KCNT2: variants seen among roughly 807,000 people sequenced by gnomAD.
KCNT2 encodes potassium channel subfamily T member 2.
Under a neutral mutation model 153.8 loss-of-function variants are expected in KCNT2, and 67 were observed. The ratio of observed to expected loss-of-function variants is 0.44; its 90% confidence interval spans 0.36 to 0.53. The LOEUF (loss-of-function observed/expected upper bound fraction) is 0.53. KCNT2 is among the 20% of genes least tolerant of loss of function. The pLI, the probability that KCNT2 is intolerant of heterozygous loss-of-function variation, is 0.00. For synonymous variants in KCNT2, 500 were observed against 458.8 expected (o/e 1.09, Z -1.15); for missense variants, 975 against 1,354.8 (o/e 0.72, Z 4.40).
At chr1:196,378,588 A>C (rs1227951613) in intron 13 of KCNT2, among the ~76,000 whole-genome samples, 1 of 151,570 alleles carries the variant, frequency 6.6e-6, no homozygotes, top group Non-Finnish European at 1.5e-5. Context: ...AGAGAAAATG[A>C]ATACTGGGGG....
intron 13 of KCNT2, among the ~76,000 whole-genome samples, chr1:196,387,341 A>G (rs1461661045): frequency 6.6e-6 from 1 of 151,906 alleles, no homozygotes; most frequent in Non-Finnish European, 1.5e-5. Context: ...CTGTATGGCA[A>G]CATTCAGGAA....
At chr1:196,547,008 A>G (rs1657191147) in intron 1 of KCNT2, among the ~76,000 whole-genome samples, 1 of 152,024 alleles carries the variant, frequency 6.6e-6, no homozygotes, top group Non-Finnish European at 1.5e-5. Context: ...ATGCCTGAAA[A>G]TACAAGAATT....
At chr1:196,512,770 G>A (rs1681738037) in intron 1 of KCNT2, among the ~76,000 whole-genome samples, 1 of 152,002 alleles carries the variant, frequency 6.6e-6, no homozygotes, top group Non-Finnish European at 1.5e-5. Context: ...TAAAAAAATG[G>A]AAATATTGAA....
chr1:196,340,205 T>C (rs1462200197), intron 16 of KCNT2, 136 bp downstream of exon 16: 5 of 589,606 alleles, frequency 8.5e-6, no homozygotes, highest in Non-Finnish European at 1.4e-5. Flanking sequence ...GTATACCTAG[T>C]CATACCTAGT....
At chr1:196,440,919 A>T (rs992754300) in intron 8 of KCNT2, among the ~76,000 whole-genome samples, 3 of 151,700 alleles carry the variant, frequency 2.0e-5, no homozygotes, top group African/African-American at 7.3e-5. Flanking sequence ...AACCTTGAGA[A>T]CTCCTGACAA....
At chr1:196,484,703 T>A (rs1227687937) in intron 3 of KCNT2, among the ~76,000 whole-genome samples, 1 of 152,122 alleles carries the variant, frequency 6.6e-6, no homozygotes, top group Non-Finnish European at 1.5e-5. Flanking sequence ...AATTTTTGTA[T>A]AAGGTATAAG....
At chr1:196,508,086 C>T (rs1406316641) in intron 1 of KCNT2, among the ~76,000 whole-genome samples, 1 of 145,014 alleles carries the variant, frequency 6.9e-6, no homozygotes, top group East Asian at 2.1e-4. Flanking sequence ...TTGACTCATG[C>T]ATATAATAAG....
intron 1 of KCNT2, among the ~76,000 whole-genome samples, chr1:196,563,285 A>G (rs1207719196): frequency 3.9e-5 from 6 of 151,922 alleles, no homozygotes; most frequent in South Asian, 2.1e-4. Context: ...AATCACTAGT[A>G]ATGAAGAAAT....
intron 14 of KCNT2, among the ~76,000 whole-genome samples, chr1:196,349,857 C>A (rs1407807773): frequency 6.6e-6 from 1 of 151,982 alleles, no homozygotes; most frequent in Admixed American, 6.6e-5. Flanking sequence ...TCCCTCCCCC[C>A]TTCCCCCAGC....
intron 21 of KCNT2, among the ~76,000 whole-genome samples, chr1:196,312,864 C>A (rs1000310293): frequency 6.6e-6 from 1 of 151,682 alleles, no homozygotes; most frequent in Non-Finnish European, 1.5e-5. Flanking sequence ...AGTCTGATAT[C>A]CAGCCATTGT....
intron 20 of KCNT2, among the ~76,000 whole-genome samples, 189 bp downstream of exon 20, chr1:196,319,295 A>G (rs1663044210): frequency 6.6e-6 from 1 of 151,854 alleles, no homozygotes; most frequent in African/African-American, 2.4e-5. Flanking sequence ...TTTTAATTCA[A>G]CAATAGATTA....
chr1:196,258,290 G>C lies in KCNT2; in HGVS notation c.3115C>G (p.Gln1039Glu). 6.2e-7 allele frequency: 1 copy of C among 1,614,072 alleles called. No homozygotes were observed. Among genetic ancestry groups the C allele is most frequent in the Non-Finnish European group, 8.5e-7 (1 of 1,179,994 alleles). Residue 1039 changes from glutamine to glutamate, a missense_variant, in exon 26 of 28, where the codon CAG becomes GAG. This residue lies in a region of KCNT2 where 241 missense variants were observed against 271.1 expected (regional missense o/e 0.89). Coordinates refer to ENST00000294725, the MANE Select transcript of KCNT2 (RefSeq NM_198503.5). ...GACCTCCTGTAGAGGTTCAGTCGCTGCTGGGTTATTTTTTCAGCTGTTTTA... is the reference window on the plus strand; with the variant it reads ...GACCTCCTGTAGAGGTTCAGTCGCTCCTGGGTTATTTTTTCAGCTGTTTTA... Reference protein sequence around the residue: ...SGKTAEKITQQRLNLYRRSER... With the variant: ...SGKTAEKITQERLNLYRRSER...
At chr1:196,372,356 AT>A (rs1668609772) in intron 14 of KCNT2, among the ~76,000 whole-genome samples, 1 of 151,980 alleles carries the variant, frequency 6.6e-6, no homozygotes, top group African/African-American at 2.4e-5. Context: ...AACTTACTTA[AT>A]ATGAGTAATC....
At chr1:196,472,122 C>A (rs1392989116) in intron 5 of KCNT2, among the ~76,000 whole-genome samples, 1 of 152,138 alleles carries the variant, frequency 6.6e-6, no homozygotes, top group African/African-American at 2.4e-5. Context: ...CCTTGGCAAG[C>A]ACTTGTAACA....
At chr1:196,413,648 G>T (rs575030122) in intron 12 of KCNT2, among the ~76,000 whole-genome samples, 4 of 151,618 alleles carry the variant, frequency 2.6e-5, no homozygotes, top group African/African-American at 9.6e-5. Flanking sequence ...AGAATAGTCA[G>T]AAAGCATTTT....
chr1:196,571,154 A>C (rs1211166391), intron 1 of KCNT2, among the ~76,000 whole-genome samples: 1 of 152,170 alleles, frequency 6.6e-6, no homozygotes, highest in Non-Finnish European at 1.5e-5. Context: ...ATTTGTTGAA[A>C]TAATAGATGT....
intron 5 of KCNT2, among the ~76,000 whole-genome samples, chr1:196,473,344 T>C (rs529192239): frequency 1.1e-4 from 16 of 152,336 alleles, no homozygotes; most frequent in African/African-American, 3.6e-4. Context: ...CTTAAGACAT[T>C]ACAACACTTT....
chr1:196,468,852 T>C (rs1677836088), intron 6 of KCNT2, 142 bp downstream of exon 6: 1 of 595,318 alleles, frequency 1.7e-6, no homozygotes, highest in Non-Finnish European at 3.0e-6. Context: ...ACCAATTTTA[T>C]CTTGTTGCTT....
chr1:196,589,257 A>T (rs966583966), intron 1 of KCNT2, among the ~76,000 whole-genome samples: 2 of 60,162 alleles, frequency 3.3e-5, no homozygotes, highest in East Asian at 2.8e-3. Context: ...CTATATATAT[A>T]AAAAAAAGTG....
Sources: allele counts gnomAD v4.1 joint callset (sites outside exome capture counted in the v4.1 genomes callset), GRCh38; gene constraint gnomAD v4.1.1; regional missense constraint gnomAD v4.1.1; transcripts MANE v1.5; gene names NCBI Gene and HGNC (gene_info 2026-07-23, HGNC 2026-07-21).